The following NEGR1 variants were observed in gnomAD, a reference collection of about 807,000 sequenced individuals.
NEGR1 encodes IgLON family member 4.
A neutral mutation model predicts 40.9 loss-of-function variants in NEGR1; 10 were observed. The ratio of observed to expected loss-of-function variants is 0.24; its 90% CI spans 0.15 to 0.42. NEGR1 has a LOEUF of 0.42. Ranked by LOEUF, NEGR1 falls within the 10% of genes least tolerant of loss-of-function variation. The probability of loss-of-function intolerance (pLI) is 1.00; values close to 1 mark genes in which losing one functional copy is unlikely to be tolerated. For synonymous variants in NEGR1, 185 were observed against 166.8 expected (o/e 1.11, Z -0.84); for missense variants, 352 against 438.9 (o/e 0.80, Z 1.77).
chr1:71,761,839 A>C (rs1655953953), intron 3 of NEGR1, among the ~76,000 whole-genome samples: 1 of 152,110 alleles, frequency 6.6e-6, no homozygotes, highest in African/African-American at 2.4e-5. Flanking sequence ...ATAAAACAAT[A>C]AAAGAAGGAA....
intron 1 of NEGR1, among the ~76,000 whole-genome samples, chr1:71,959,863 T>C (rs1234992566): frequency 6.6e-6 from 1 of 152,144 alleles, no homozygotes; most frequent in Non-Finnish European, 1.5e-5. Context: ...TTTCCCAATA[T>C]GTACCACAGA....
chr1:71,728,815 C>T (rs1323060639), intron 3 of NEGR1, among the ~76,000 whole-genome samples: 1 of 152,142 alleles, frequency 6.6e-6, no homozygotes, highest in Non-Finnish European at 1.5e-5. Flanking sequence ...CAGCTCTTCA[C>T]TACTCCCTTT....
chr1:71,896,765 TG>T (rs1289574312), intron 2 of NEGR1, among the ~76,000 whole-genome samples: 1 of 152,212 alleles, frequency 6.6e-6, no homozygotes, highest in Admixed American at 6.5e-5. Flanking sequence ...TTTTTCCATT[TG>T]GAAATCCAGT....
intron 4 of NEGR1, among the ~76,000 whole-genome samples, chr1:71,641,460 C>A (rs1651348368): frequency 6.6e-6 from 1 of 151,940 alleles, no homozygotes; most frequent in Admixed American, 6.6e-5. Context: ...ATGATGGTGA[C>A]CCAGTGGTGG....
intron 1 of NEGR1, among the ~76,000 whole-genome samples, chr1:72,128,834 C>T (rs1650130516): frequency 6.6e-6 from 1 of 152,070 alleles, no homozygotes. Context: ...TAAATTGGTA[C>T]ACAGATATCC....
At chr1:71,611,871 C>G (rs1434925921) in intron 4 of NEGR1, among the ~76,000 whole-genome samples, 2 of 152,188 alleles carry the variant, frequency 1.3e-5, no homozygotes, top group Non-Finnish European at 2.9e-5. Context: ...AAAAGTTTCC[C>G]CGCCTCTGAG....
At chr1:71,732,487 G>A (rs1350952790) in intron 3 of NEGR1, among the ~76,000 whole-genome samples, 3 of 132,638 alleles carry the variant, frequency 2.3e-5, no homozygotes, top group African/African-American at 8.1e-5. Flanking sequence ...ACACATTACT[G>A]AATGCTGTGT....
At chr1:72,077,055 C>T (rs12049085) in intron 1 of NEGR1, among the ~76,000 whole-genome samples, 58,090 of 151,474 alleles carry the variant, frequency 0.38, 12,104 homozygotes, top group East Asian at 0.6. Flanking sequence ...CCACCATGCC[C>T]GTCTAATTTT....
chr1:72,013,231 G>T (rs554354953), intron 1 of NEGR1, among the ~76,000 whole-genome samples: 3 of 152,008 alleles, frequency 2.0e-5, no homozygotes, highest in Admixed American at 2.0e-4. Context: ...TTATTTTGTG[G>T]GAAAAAATCC....
chr1:71,414,477 TG>T (rs2101267450), intron 6 of NEGR1, among the ~76,000 whole-genome samples: 1 of 152,288 alleles, frequency 6.6e-6, no homozygotes, highest in African/African-American at 2.4e-5. Flanking sequence ...TATATAAATT[TG>T]GATTATAGTA....
chr1:71,992,629 C>A (rs1228146512), intron 1 of NEGR1, among the ~76,000 whole-genome samples: 2 of 118,874 alleles, frequency 1.7e-5, no homozygotes, highest in African/African-American at 3.1e-5. Flanking sequence ...TGAAATCTGG[C>A]GTGAATTTTA....
At chr1:71,998,535 C>T (rs917028766) in intron 1 of NEGR1, among the ~76,000 whole-genome samples, 3 of 151,836 alleles carry the variant, frequency 2.0e-5, no homozygotes, top group Non-Finnish European at 3.0e-5. Context: ...ACCTCATGCA[C>T]CTTTAAGCCT....
At chr1:72,002,966 T>C (rs1490567663) in intron 1 of NEGR1, among the ~76,000 whole-genome samples, 2 of 152,168 alleles carry the variant, frequency 1.3e-5, no homozygotes, top group African/African-American at 4.8e-5. Context: ...TATTAACATT[T>C]GGGGACTGTT....
chr1:72,122,264 C>T (rs910223340), intron 1 of NEGR1, among the ~76,000 whole-genome samples: 1 of 151,920 alleles, frequency 6.6e-6, no homozygotes, highest in Non-Finnish European at 1.5e-5. Flanking sequence ...ATAACACAAT[C>T]CATTTGTTGT....
intron 1 of NEGR1, among the ~76,000 whole-genome samples, chr1:71,993,926 T>C (rs1164812436): frequency 6.6e-6 from 1 of 152,118 alleles, no homozygotes; most frequent in African/African-American, 2.4e-5. Flanking sequence ...TTTAGGCATG[T>C]CCAACCAGGG....
intron 6 of NEGR1, among the ~76,000 whole-genome samples, chr1:71,519,945 G>A (rs1647143517): frequency 6.6e-6 from 1 of 151,932 alleles, no homozygotes; most frequent in Non-Finnish European, 1.5e-5. Context: ...ATTATTCACA[G>A]CTAAGGAAAG....
At chr1:72,094,899 T>G (rs951445317) in intron 1 of NEGR1, among the ~76,000 whole-genome samples, 3 of 152,138 alleles carry the variant, frequency 2.0e-5, no homozygotes, top group African/African-American at 4.8e-5. Context: ...AAATAGCAAG[T>G]GCATCAAAAC....
intron 1 of NEGR1, among the ~76,000 whole-genome samples, chr1:72,065,288 T>A (rs1213128253): frequency 6.6e-6 from 1 of 152,076 alleles, no homozygotes; most frequent in East Asian, 1.9e-4. Flanking sequence ...AATCTCCCAA[T>A]TTCTTCTTAA....
chr1:71,443,096 T>C (rs1646558732), intron 6 of NEGR1, among the ~76,000 whole-genome samples: 1 of 152,250 alleles, frequency 6.6e-6, no homozygotes, highest in African/African-American at 2.4e-5. Context: ...TCCAGAAAGA[T>C]GGTAATTTTA....
Sources: allele counts gnomAD v4.1 joint callset (sites outside exome capture counted in the v4.1 genomes callset), GRCh38; gene constraint gnomAD v4.1.1; transcripts MANE v1.5; gene names NCBI Gene and HGNC (gene_info 2026-07-23, HGNC 2026-07-21).